The following PIK3CB variants were observed in gnomAD, a reference collection of about 807,000 sequenced individuals.
PIK3CB encodes phosphatidylinositol-4,5-bisphosphate 3-kinase catalytic subunit beta, also known as phosphatidylinositol 4,5-bisphosphate 3-kinase catalytic subunit beta isoform.
In PIK3CB, 39 loss-of-function variants were observed where a neutral mutation model predicts 136.8. The observed-to-expected ratio is 0.29, with a 90% confidence interval of 0.22 to 0.37. The LOEUF (loss-of-function observed/expected upper bound fraction) is 0.37. PIK3CB is among the 10% of genes least tolerant of loss of function. The probability of loss-of-function intolerance (pLI) is 1.00; values close to 1 mark genes in which losing one functional copy is unlikely to be tolerated. For missense variants in PIK3CB, 868 were observed against 1,275.4 expected, an observed-to-expected ratio of 0.68 and a Z score of 4.87; for synonymous variants, 428 against 436.6, an observed-to-expected ratio of 0.98 and a Z score of 0.25.
intron 6 of PIK3CB, among the ~76,000 whole-genome samples, chr3:138,737,394 C>CAAAAAAAAAAAAAAAAAAA (rs11344311): frequency 2.6e-5 from 1 of 39,076 alleles, no homozygotes; most frequent in Non-Finnish European, 4.9e-5. Context: ...CACTCTGTCT[C>CAAAAAAAAAAAAAAAAAAA]AAAAAAAAAA....
chr3:138,760,008 G>A (rs886110632), intron 2 of PIK3CB, among the ~76,000 whole-genome samples: 6 of 151,500 alleles, frequency 4.0e-5, no homozygotes, highest in South Asian at 4.2e-4. Context: ...TGCAAGCTCC[G>A]CCTCCCAGTT....
intron 10 of PIK3CB, among the ~76,000 whole-genome samples, chr3:138,708,983 A>G (rs1017371617): frequency 3.3e-5 from 5 of 151,948 alleles, no homozygotes; most frequent in African/African-American, 9.7e-5. Context: ...GAGTCTCACT[A>G]TGTTGTCCAG....
intron 8 of PIK3CB, among the ~76,000 whole-genome samples, chr3:138,729,237 C>T (rs1194370093): frequency 1.3e-5 from 2 of 148,464 alleles, no homozygotes; most frequent in South Asian, 2.2e-4. Flanking sequence ...GGTGAGATTG[C>T]GCCACTGCAC....
chr3:138,759,149 T>G (rs765620961), intron 3 of PIK3CB, 24 bp downstream of exon 3: 2 of 1,491,290 alleles, frequency 1.3e-6, no homozygotes, highest in Non-Finnish European at 1.8e-6. Context: ...GCTAAACACA[T>G]AGAAATTATA....
At chr3:138,752,298 G>A (rs1049899516) in intron 4 of PIK3CB, among the ~76,000 whole-genome samples, 1 of 152,100 alleles carries the variant, frequency 6.6e-6, no homozygotes, top group Non-Finnish European at 1.5e-5. Flanking sequence ...CGTCTCTAAA[G>A]GTTCTATTGT....
chr3:138,751,726 T>C (rs1019436026), intron 4 of PIK3CB, among the ~76,000 whole-genome samples: 1 of 151,932 alleles, frequency 6.6e-6, no homozygotes, highest in Non-Finnish European at 1.5e-5. Flanking sequence ...TCCCAGCACT[T>C]TGGAAGGCTT....
intron 4 of PIK3CB, among the ~76,000 whole-genome samples, chr3:138,746,163 T>C (rs2045351134): frequency 6.6e-6 from 1 of 151,472 alleles, no homozygotes; most frequent in Non-Finnish European, 1.5e-5. Context: ...GGAGGATCAC[T>C]TGAGCCCAGG....
intron 1 of PIK3CB, among the ~76,000 whole-genome samples, chr3:138,820,610 C>T (rs945563907): frequency 1.3e-5 from 2 of 152,152 alleles, no homozygotes; most frequent in African/African-American, 4.8e-5. Context: ...TCTCCTGCCT[C>T]GGCCTCCCAA....
chr3:138,666,829 A>C (rs1192087833), intron 19 of PIK3CB, among the ~76,000 whole-genome samples: 4 of 152,156 alleles, frequency 2.6e-5, no homozygotes, highest in Non-Finnish European at 5.9e-5. Context: ...CAGTCCCTAC[A>C]CTCACTGAGC....
intron 21 of PIK3CB, among the ~76,000 whole-genome samples, chr3:138,660,714 A>G (rs1002020456): frequency 6.6e-6 from 1 of 152,244 alleles, no homozygotes. Flanking sequence ...TATCATCACA[A>G]AAAAAGATAA....
At chr3:138,704,594 T>C in intron 11 of PIK3CB, 101 bp from the exon 12 acceptor site, 3 of 760,988 alleles carry the variant, frequency 3.9e-6, no homozygotes, top group East Asian at 2.5e-5. Flanking sequence ...AGATCTGGCA[T>C]TGCTATGCTT....
At position 138,787,924 on chromosome 3, in the gene PIK3CB, T is replaced by G. The variant is rs946637797; in HGVS notation, c.-17+8539A>C. The stretch of plus-strand genomic sequence containing the variant: ...CTCACTAAAATTTAACTAGAAGACT[T>G]TTTTTTTTTTTTTTTTGAGACATGA... On this transcript the variant is annotated intron_variant, in intron 2 of 23. Coordinates refer to ENST00000674063, the MANE Select transcript of PIK3CB (RefSeq NM_006219.3). Among the ~76,000 whole-genome samples the G allele has an allele frequency of 1.5e-4, 5 of 32,608 alleles. No homozygotes were observed. In the East Asian group the frequency reaches 0.11, roughly 725 times the overall value. The allele number at this position is 32,608 out of a possible 152,430, so 21.4% of individuals were successfully genotyped here. A position where few individuals can be genotyped will look rare whatever the true frequency, so the allele number is the denominator to read the frequency against.
chr3:138,684,457 C>T (rs143546771), intron 17 of PIK3CB, among the ~76,000 whole-genome samples, 168 bp downstream of exon 17: 86 of 152,320 alleles, frequency 5.6e-4, no homozygotes, highest in African/African-American at 2.0e-3. Context: ...AGCTGATAAG[C>T]ATACATCCTA....
chr3:138,683,125 G>A (rs2043813428), intron 18 of PIK3CB, among the ~76,000 whole-genome samples: 2 of 152,080 alleles, frequency 1.3e-5, no homozygotes, highest in Admixed American at 6.6e-5. Context: ...GGCCGGGGTG[G>A]GTAAATCACT....
chr3:138,788,436 C>T (rs1311657787), intron 2 of PIK3CB, among the ~76,000 whole-genome samples: 1 of 151,682 alleles, frequency 6.6e-6, no homozygotes, highest in Admixed American at 6.6e-5. Context: ...GCGGGCAGAT[C>T]ACCTGAGGTC....
chr3:138,756,632 G>C (rs544283284), intron 3 of PIK3CB, among the ~76,000 whole-genome samples: 1 of 152,236 alleles, frequency 6.6e-6, no homozygotes, highest in East Asian at 1.9e-4. Flanking sequence ...AAAAGGGATT[G>C]CATATTTTGT....
intron 19 of PIK3CB, among the ~76,000 whole-genome samples, chr3:138,665,848 G>C (rs934510930): frequency 6.6e-6 from 1 of 152,180 alleles, no homozygotes; most frequent in Non-Finnish European, 1.5e-5. Flanking sequence ...GGGATTACAG[G>C]TGTGAGCCAC....
chr3:138,829,845 T>C (rs760197956), intron 1 of PIK3CB, among the ~76,000 whole-genome samples: 1 of 152,104 alleles, frequency 6.6e-6, no homozygotes, highest in Non-Finnish European at 1.5e-5. Flanking sequence ...AAGAGATCCA[T>C]GCGAACCCAT....
intron 10 of PIK3CB, among the ~76,000 whole-genome samples, chr3:138,708,928 T>C (rs1553726276): frequency 6.6e-6 from 1 of 151,928 alleles, no homozygotes; most frequent in Admixed American, 6.6e-5. Flanking sequence ...TGTTCAAAAG[T>C]GATCAGAAAA....
Sources: gnomAD v4.1 joint callset for allele counts (sites outside exome capture counted in the v4.1 genomes callset) on GRCh38, gnomAD v4.1.1 for gene constraint, MANE v1.5 for transcripts, NCBI Gene and HGNC (gene_info 2026-07-23, HGNC 2026-07-21) for gene names.